The following IPCEF1 variants were observed in gnomAD, a reference collection of about 807,000 sequenced individuals.
IPCEF1 encodes the protein interactor protein for cytohesin exchange factors 1.
Under a neutral mutation model 50.9 loss-of-function variants are expected in IPCEF1, and 31 were observed. The ratio of observed to expected loss-of-function variants is 0.61; its 90% CI spans 0.46 to 0.82. IPCEF1 has a LOEUF of 0.82. Among genes scored for constraint, IPCEF1 ranks in the 40% least tolerant of loss-of-function variants. The pLI is 0.00. For synonymous variants in IPCEF1, 181 were observed against 192.0 expected (o/e 0.94, Z 0.47); for missense variants, 458 against 514.0 (o/e 0.89, Z 1.05).
chr6:154,249,655 C>T lies in IPCEF1; in HGVS notation c.37-2167G>A, dbSNP rs187203600. ...AGGGCAGCGATGGGATCAGCCAAGGCAGAGAGGAAGTGATGCTCCTTCCAT... is the reference window on the plus strand; with the variant it reads ...AGGGCAGCGATGGGATCAGCCAAGGTAGAGAGGAAGTGATGCTCCTTCCAT... On this transcript the variant is annotated intron_variant, in intron 3 of 11. Coordinates refer to ENST00000367220, the MANE Select transcript of IPCEF1 (RefSeq NM_001130700.2). Among the ~76,000 whole-genome samples, 252 of 152,206 alleles carry T rather than the reference C, an allele frequency of 1.7e-3. 1 individual carries two copies. The highest frequency in any genetic ancestry group is 3.1e-3 in the South Asian group (15 of 4,824).
At position 154,301,354 on chromosome 6, in the gene IPCEF1, C is replaced by T. The variant is rs543616955; in HGVS notation, c.-61-11598G>A. 7.2e-5 allele frequency among the ~76,000 whole-genome samples: 11 copies of T among 152,254 alleles called. No individual in the cohort carries two copies. The South Asian group carries it at 8.3e-4, about 11-fold the overall frequency. On this transcript the variant is annotated intron_variant, in intron 1 of 11. Transcript: ENST00000367220. ...TCTAGAGGTTTGTGATGTTCCCAAA[C>T]GGTCATGAGACTCTTGGGCACAAGG...
chr6:154,295,816 G>A (rs1782635310), intron 1 of IPCEF1, among the ~76,000 whole-genome samples: 1 of 151,960 alleles, frequency 6.6e-6, no homozygotes, highest in Non-Finnish European at 1.5e-5. Flanking sequence ...TGAACTGTCT[G>A]GAGCTCTCTG....
At chr6:154,162,464 T>C (rs1799104178) in intron 11 of IPCEF1, among the ~76,000 whole-genome samples, 2 of 152,330 alleles carry the variant, frequency 1.3e-5, no homozygotes, top group Admixed American at 6.5e-5. Context: ...CAATAAACCA[T>C]TAAATCAATG....
intron 9 of IPCEF1, among the ~76,000 whole-genome samples, chr6:154,201,835 C>T (rs562610577): frequency 1.3e-5 from 2 of 152,272 alleles, no homozygotes; most frequent in African/African-American, 4.8e-5. Context: ...GCGGAAGTTG[C>T]AGTGAGCCAA....
intron 10 of IPCEF1, among the ~76,000 whole-genome samples, chr6:154,177,458 C>T (rs914696217): frequency 4.6e-5 from 7 of 152,044 alleles, no homozygotes; most frequent in African/African-American, 7.3e-5. Context: ...AACAAACAAC[C>T]CCATCAGAAA....
chr6:154,347,116 C>T (rs1262210348), intron 1 of IPCEF1, among the ~76,000 whole-genome samples: 1 of 152,180 alleles, frequency 6.6e-6, no homozygotes, highest in Non-Finnish European at 1.5e-5. Context: ...AACAGGCTTC[C>T]TCTGGCCTCT....
In IPCEF1 at chr6:154,265,906, A is replaced by T. The variant is rs1781742956; in HGVS notation, c.36+6T>A. Reference sequence around the variant, plus strand: ...TAAAGCCTGGGGTATTCCAAAGGATACTTACAAGAGCACTGCCATCAATAG... The same window carrying T: ...TAAAGCCTGGGGTATTCCAAAGGATTCTTACAAGAGCACTGCCATCAATAG... On this transcript the variant is annotated splice_donor_region_variant and intron_variant, in intron 3 of 11. Transcript: ENST00000367220. The T allele has an allele frequency of 1.3e-6, 2 of 1,588,864 alleles. No individual in the cohort carries two copies. The highest frequency in any genetic ancestry group is 3.5e-5 in the Admixed American group (2 of 56,808).
At chr6:154,318,747 C>T (rs1251960916) in intron 1 of IPCEF1, among the ~76,000 whole-genome samples, 1 of 147,138 alleles carries the variant, frequency 6.8e-6, no homozygotes, top group Admixed American at 6.8e-5. Flanking sequence ...AAGAAGAAAA[C>T]AATACATATT....
chr6:154,179,307 T>C (rs1800633061), intron 10 of IPCEF1, among the ~76,000 whole-genome samples: 1 of 152,244 alleles, frequency 6.6e-6, no homozygotes, highest in Non-Finnish European at 1.5e-5. Flanking sequence ...TCCAAGAGGC[T>C]TTTCAGTAAA....
At chr6:154,332,597 G>C (rs1783699142) in intron 1 of IPCEF1, among the ~76,000 whole-genome samples, 1 of 152,158 alleles carries the variant, frequency 6.6e-6, no homozygotes, top group African/African-American at 2.4e-5. Flanking sequence ...TAAAACTGGG[G>C]ATTCCAGCAT....
At chr6:154,311,245 C>T (rs886543577) in intron 1 of IPCEF1, among the ~76,000 whole-genome samples, 1 of 152,190 alleles carries the variant, frequency 6.6e-6, no homozygotes, top group African/African-American at 2.4e-5. Context: ...ACTAACCTCC[C>T]TGCAGCACAG....
chr6:154,254,553 T>G (rs530602482), intron 3 of IPCEF1, among the ~76,000 whole-genome samples: 1 of 152,332 alleles, frequency 6.6e-6, no homozygotes, highest in East Asian at 1.9e-4. Context: ...GAGATTACAA[T>G]TTGGATTACA....
In IPCEF1 at chr6:154,160,043, G is replaced by A. The variant is rs747698498; in HGVS notation, c.1105-3C>T. ...ATGGCCAGATCATGTTCTTTACACTGTGTGAGTAGAAAAAAAGGGGAAGGG... is the reference window on the plus strand; with the variant it reads ...ATGGCCAGATCATGTTCTTTACACTATGTGAGTAGAAAAAAAGGGGAAGGG... On this transcript the variant is annotated splice_region_variant and splice_polypyrimidine_tract_variant and intron_variant, in intron 11 of 11. Coordinates refer to ENST00000367220, the MANE Select transcript of IPCEF1 (RefSeq NM_001130700.2). The A allele has an allele frequency of 6.2e-7, 1 of 1,603,692 alleles. No individual in the cohort carries two copies. Among genetic ancestry groups the A allele is most frequent in the South Asian group, 1.1e-5 (1 of 89,390 alleles).
At chr6:154,181,214 G>C (rs938922237) in intron 10 of IPCEF1, among the ~76,000 whole-genome samples, 7 of 152,106 alleles carry the variant, frequency 4.6e-5, no homozygotes, top group African/African-American at 1.7e-4. Flanking sequence ...CATTTTAGTA[G>C]TGAGGACACT....
chr6:154,338,094 G>A (rs1481024958), intron 1 of IPCEF1, among the ~76,000 whole-genome samples: 1 of 152,156 alleles, frequency 6.6e-6, no homozygotes, highest in Non-Finnish European at 1.5e-5. Flanking sequence ...TCATCAATAA[G>A]TTGTCTCTGT....
At chr6:154,355,022 A>G (rs536119965) in intron 1 of IPCEF1, among the ~76,000 whole-genome samples, 8,001 of 148,864 alleles carry the variant, frequency 0.054, 588 homozygotes, top group African/African-American at 0.18. Context: ...ACACACACAC[A>G]CACACACACA....
chr6:154,346,133 G>T (rs1784025325), intron 1 of IPCEF1, among the ~76,000 whole-genome samples: 1 of 152,140 alleles, frequency 6.6e-6, no homozygotes, highest in Admixed American at 6.6e-5. Flanking sequence ...GTGTCCCAAA[G>T]TGCTAGGATT....
At chr6:154,317,203 T>C (rs1367583234) in intron 1 of IPCEF1, among the ~76,000 whole-genome samples, 5 of 152,060 alleles carry the variant, frequency 3.3e-5, no homozygotes, top group Non-Finnish European at 5.9e-5. Context: ...GTACCTAGAA[T>C]ACATAAAGAA....
At chr6:154,267,432 G>A (rs1489980493) in intron 2 of IPCEF1, among the ~76,000 whole-genome samples, 1 of 152,188 alleles carries the variant, frequency 6.6e-6, no homozygotes, top group Non-Finnish European at 1.5e-5. Context: ...GGGTGGAGGT[G>A]GAGGTGTGTT....
Sources: gnomAD v4.1 joint callset for allele counts (sites outside exome capture counted in the v4.1 genomes callset) on GRCh38, gnomAD v4.1.1 for gene constraint, MANE v1.5 for transcripts, NCBI Gene and HGNC (gene_info 2026-07-23, HGNC 2026-07-21) for gene names.